The following LEPR variants were observed in gnomAD, a reference collection of about 807,000 sequenced individuals.
The protein encoded by LEPR is OB receptor.
In LEPR, 56 loss-of-function variants were observed where a neutral mutation model predicts 114.7. The observed-to-expected ratio is 0.49, with a 90% CI of 0.39 to 0.61. The LOEUF (loss-of-function observed/expected upper bound fraction) is 0.61, where lower values mean the gene tolerates loss of function less well. Ranked by LOEUF, LEPR falls within the 20% of genes least tolerant of loss-of-function variation. LEPR has a pLI of 0.00. For synonymous variants in LEPR, 443 were observed against 461.4 expected (o/e 0.96, Z 0.51); for missense variants, 1,202 against 1,352.9 (o/e 0.89, Z 1.75).
intron 2 of LEPR, among the ~76,000 whole-genome samples, chr1:65,534,291 T>A (rs1205572093): frequency 6.6e-6 from 1 of 152,136 alleles, no homozygotes; most frequent in Non-Finnish European, 1.5e-5. Context: ...ACTGTGGAAG[T>A]TACCATATGA....
intron 2 of LEPR, among the ~76,000 whole-genome samples, chr1:65,497,013 CAT>C (rs1648197059): frequency 6.6e-6 from 1 of 151,782 alleles, no homozygotes; most frequent in Non-Finnish European, 1.5e-5. Flanking sequence ...CACACACACA[CAT>C]ATATGTATTT....
At chr1:65,526,604 A>G (rs1649988276) in intron 2 of LEPR, among the ~76,000 whole-genome samples, 2 of 152,160 alleles carry the variant, frequency 1.3e-5, no homozygotes, top group South Asian at 4.1e-4. Context: ...GTATTAAAGT[A>G]TATTGAAACA....
Position 65,640,881 on chromosome 1 carries a change from C to T in LEPR, c.*3866C>T, listed in dbSNP as rs1658840843. On this transcript the variant is annotated 3_prime_UTR_variant, in exon 20 of 20. Coordinates refer to ENST00000349533, the MANE Select transcript of LEPR (RefSeq NM_002303.6). ...GTTCAAGCGATTCTCCTGCCTCAGCCTCCCCAGTAGCTGGGATTACGGGCA... is the reference window on the plus strand; with the variant it reads ...GTTCAAGCGATTCTCCTGCCTCAGCTTCCCCAGTAGCTGGGATTACGGGCA... The T allele has an allele frequency of 6.6e-6, 1 of 152,006 alleles. No homozygotes were observed. The highest frequency in any genetic ancestry group is 2.4e-5 in the African/African-American group (1 of 41,302). The allele number at this position is 152,006 out of a possible 1,614,324, so 9.4% of individuals were successfully genotyped here.
intron 2 of LEPR, chr1:65,430,100 AG>A (rs769276113): frequency 6.9e-7 from 1 of 1,447,854 alleles, no homozygotes; most frequent in East Asian, 2.4e-5. Flanking sequence ...TTTACTTCAG[AG>A]GCCTGTGTCT....
intron 2 of LEPR, among the ~76,000 whole-genome samples, chr1:65,501,037 C>T (rs1220569822): frequency 6.6e-6 from 1 of 152,094 alleles, no homozygotes; most frequent in Non-Finnish European, 1.5e-5. Flanking sequence ...ATGATTTAAC[C>T]TGCATAGAGT....
chr1:65,608,623 A>G, intron 11 of LEPR, 130 bp from the exon 12 acceptor site: 1 of 1,056,470 alleles, frequency 9.5e-7, no homozygotes, highest in Admixed American at 2.6e-5. Context: ...AACAAATGAG[A>G]TAATGAGTGA....
At chr1:65,468,510 G>T (rs1473487896) in intron 2 of LEPR, among the ~76,000 whole-genome samples, 1 of 152,214 alleles carries the variant, frequency 6.6e-6, no homozygotes, top group Non-Finnish European at 1.5e-5. Context: ...GCAGGAGTAA[G>T]TATTTTTGTT....
intron 2 of LEPR, among the ~76,000 whole-genome samples, chr1:65,475,456 T>C (rs1035959773): frequency 1.3e-5 from 2 of 152,216 alleles, no homozygotes; most frequent in African/African-American, 2.4e-5. Context: ...ACAAAGCTAC[T>C]GGGCTGGCTC....
At chr1:65,619,775 T>C (rs564121268) in intron 16 of LEPR, among the ~76,000 whole-genome samples, 153 bp from the exon 17 acceptor site, 1 of 152,352 alleles carries the variant, frequency 6.6e-6, no homozygotes, top group East Asian at 1.9e-4. Context: ...TAAGTTTGTT[T>C]TGAAACTCCC....
intron 2 of LEPR, among the ~76,000 whole-genome samples, chr1:65,450,739 G>A (rs1283565549): frequency 4.0e-5 from 6 of 148,672 alleles, no homozygotes; most frequent in Non-Finnish European, 6.0e-5. Flanking sequence ...ATAAACATAC[G>A]TGTGCATGTG....
At chr1:65,518,465 G>A (rs1380168790) in intron 2 of LEPR, among the ~76,000 whole-genome samples, 1 of 152,154 alleles carries the variant, frequency 6.6e-6, no homozygotes, top group Non-Finnish European at 1.5e-5. Context: ...AATAGCAAAA[G>A]TGTTACCAGC....
rs114984121 is a variant in LEPR at position 65,583,534 on chromosome 1, A to C, written c.495-9123A>C. On this transcript the variant is annotated intron_variant, in intron 5 of 19. Transcript: ENST00000349533. ...TTAAAGGTGGGGCCAAATTAGCCTT[A>C]GAGTCAAGGCTACACTATACTATTC... Among the ~76,000 whole-genome samples, 856 of 152,276 alleles carry C rather than the reference A, an allele frequency of 5.6e-3. 10 individuals carry two copies. The highest frequency in any genetic ancestry group is 0.02 in the African/African-American group (822 of 41,558).
At chr1:65,535,642 T>G (rs114439033) in intron 2 of LEPR, among the ~76,000 whole-genome samples, 154 of 152,222 alleles carry the variant, frequency 1.0e-3, no homozygotes, top group Non-Finnish European at 2.0e-3. Context: ...TGGACCATCG[T>G]GCCAGGCTGG....
At chr1:65,493,845 T>C (rs1418617408) in intron 2 of LEPR, 1 of 152,194 alleles carries the variant, frequency 6.6e-6, no homozygotes, top group Non-Finnish European at 1.5e-5. Context: ...CCTGATGTTC[T>C]AATCTAATGT....
intron 2 of LEPR, among the ~76,000 whole-genome samples, chr1:65,468,569 G>A (rs181955881): frequency 8.0e-4 from 122 of 152,340 alleles, no homozygotes; most frequent in Non-Finnish European, 1.5e-3. Flanking sequence ...CAGAGGACTA[G>A]AACCTGTATT....
chr1:65,475,006 C>CA (rs1325552861), intron 2 of LEPR, among the ~76,000 whole-genome samples: 8,008 of 23,786 alleles, frequency 0.34, 2,510 homozygotes, highest in Non-Finnish European at 0.5. Flanking sequence ...GACTCCATCT[C>CA]AAAAAAAAAA....
intron 2 of LEPR, among the ~76,000 whole-genome samples, chr1:65,438,761 C>T (rs1646604080): frequency 1.3e-5 from 2 of 151,934 alleles, no homozygotes; most frequent in African/African-American, 4.8e-5. Flanking sequence ...TATCCTCATG[C>T]AGGTTGGAAA....
At position 65,613,678 on chromosome 1, in the gene LEPR, A is replaced by G. The variant is rs968303037; in HGVS notation, c.1996-2330A>G. On this transcript the variant is annotated intron_variant, in intron 14 of 19. Coordinates refer to ENST00000349533, the MANE Select transcript of LEPR (RefSeq NM_002303.6). Reference sequence around the variant, plus strand: ...TGAGGCAGGAGAATGGCGTGAACCCAGGAAGCGGAGCTTGCAGTGAGCCGA... The same window carrying G: ...TGAGGCAGGAGAATGGCGTGAACCCGGGAAGCGGAGCTTGCAGTGAGCCGA... 3.2e-5 allele frequency among the ~76,000 whole-genome samples: 4 copies of G among 126,416 alleles called. 1 individual carries two copies. The highest frequency in any genetic ancestry group is 4.9e-5 in the Non-Finnish European group (3 of 61,062). The allele number at this position is 126,416 out of a possible 152,430, so 82.9% of individuals were successfully genotyped here.
At chr1:65,619,382 C>T (rs1239819936) in intron 16 of LEPR, among the ~76,000 whole-genome samples, 1 of 152,026 alleles carries the variant, frequency 6.6e-6, no homozygotes, top group East Asian at 1.9e-4. Context: ...CCATCTGGAG[C>T]TTTGCTATAG....
Sources: gnomAD v4.1 joint callset for allele counts (sites outside exome capture counted in the v4.1 genomes callset) on GRCh38, gnomAD v4.1.1 for gene constraint, MANE v1.5 for transcripts, NCBI Gene and HGNC (gene_info 2026-07-23, HGNC 2026-07-21) for gene names.